RNF130: variants seen among roughly 807,000 people sequenced by gnomAD.
RNF130 encodes the protein ring finger protein 130.
In RNF130, 21 loss-of-function variants were observed where a neutral mutation model predicts 44.6. The ratio of observed to expected loss-of-function variants is 0.47; its 90% CI spans 0.33 to 0.68. RNF130 has a LOEUF of 0.68. Ranked by LOEUF, RNF130 falls within the 30% of genes least tolerant of loss-of-function variation. The pLI, the probability that RNF130 is intolerant of heterozygous loss-of-function variation, is 0.02. For synonymous variants in RNF130, 214 were observed against 210.4 expected (o/e 1.02, Z -0.15); for missense variants, 479 against 560.6 (o/e 0.85, Z 1.47).
chr5:180,012,721 C>G (rs568857374), intron 3 of RNF130, among the ~76,000 whole-genome samples: 48 of 152,190 alleles, frequency 3.2e-4, no homozygotes, highest in African/African-American at 1.1e-3. Context: ...TCCCTAACCC[C>G]CCTCCAAGTT....
At chr5:180,045,491 A>G (rs1385041809) in intron 1 of RNF130, among the ~76,000 whole-genome samples, 3 of 152,196 alleles carry the variant, frequency 2.0e-5, no homozygotes, top group African/African-American at 4.8e-5. Flanking sequence ...TATCTCAAAC[A>G]GGGAAAGAAC....
intron 3 of RNF130, among the ~76,000 whole-genome samples, chr5:180,005,002 C>T (rs1210065120): frequency 3.3e-5 from 5 of 152,126 alleles, no homozygotes; most frequent in Non-Finnish European, 4.4e-5. Context: ...CCAGATCACT[C>T]CTCTCCTCTC....
rs910087334 is a variant in RNF130, at chr5:180,042,613, C to T, written c.248-1966G>A. Among the ~76,000 whole-genome samples, 6 of 152,196 alleles carry T rather than the reference C, an allele frequency of 3.9e-5. No individual in the cohort carries two copies. The East Asian group carries it at 1.2e-3, about 29-fold the overall frequency. On this transcript the variant is annotated intron_variant, in intron 1 of 8. Coordinates refer to ENST00000521389, the MANE Select transcript of RNF130 (RefSeq NM_018434.6). Reference sequence around the variant, plus strand: ...GCTCAGTGACCTGTTACGATAATCTCCTCTTAGAAAAATGTCTAATACTGT... The same window carrying T: ...GCTCAGTGACCTGTTACGATAATCTTCTCTTAGAAAAATGTCTAATACTGT...
intron 1 of RNF130, among the ~76,000 whole-genome samples, chr5:180,064,371 T>C (rs1765050778): frequency 6.6e-6 from 1 of 152,074 alleles, no homozygotes; most frequent in Non-Finnish European, 1.5e-5. Context: ...AAAAGCAAAT[T>C]CATTCAATGG....
At chr5:179,929,640 C>T (rs1399694194) in intron 7 of RNF130, among the ~76,000 whole-genome samples, 3 of 151,952 alleles carry the variant, frequency 2.0e-5, no homozygotes, top group African/African-American at 4.8e-5. Context: ...CCCAGCTATT[C>T]AGGAGGCTGA....
intron 8 of RNF130, among the ~76,000 whole-genome samples, chr5:179,959,720 T>C (rs1301730726): frequency 1.3e-5 from 2 of 152,152 alleles, no homozygotes; most frequent in Non-Finnish European, 2.9e-5. Context: ...GGAGTTTATA[T>C]ATATAAATTT....
At chr5:180,042,696 A>G (rs1284888568) in intron 1 of RNF130, among the ~76,000 whole-genome samples, 1 of 152,248 alleles carries the variant, frequency 6.6e-6, no homozygotes, top group Non-Finnish European at 1.5e-5. Context: ...TTATTTTTCA[A>G]AACATACTGC....
intron 6 of RNF130, among the ~76,000 whole-genome samples, chr5:179,968,315 A>G (rs904481017): frequency 1.3e-5 from 2 of 151,278 alleles, no homozygotes; most frequent in South Asian, 4.2e-4. Flanking sequence ...CAAACAAACA[A>G]AAAAAGAAGG....
intron 1 of RNF130, among the ~76,000 whole-genome samples, chr5:180,059,124 C>T (rs1279369323): frequency 6.6e-6 from 1 of 152,218 alleles, no homozygotes; most frequent in Non-Finnish European, 1.5e-5. Flanking sequence ...CCCTTACTCT[C>T]TAACTCCTTT....
At chr5:179,957,149 C>G (rs1014075859) in intron 8 of RNF130, among the ~76,000 whole-genome samples, 4 of 152,158 alleles carry the variant, frequency 2.6e-5, no homozygotes, top group Non-Finnish European at 1.5e-5. Flanking sequence ...TGGTGGCTCA[C>G]GCCTGTAATC....
chr5:180,019,641 A>G (rs1763827863), intron 2 of RNF130, among the ~76,000 whole-genome samples: 1 of 152,224 alleles, frequency 6.6e-6, no homozygotes, highest in Non-Finnish European at 1.5e-5. Context: ...TAAAGAACTC[A>G]AGGGGGAAAA....
At chr5:180,071,323 C>G (rs1184313438) in intron 1 of RNF130, 133 bp downstream of exon 1, 1 of 872,798 alleles carries the variant, frequency 1.1e-6, no homozygotes, top group Non-Finnish European at 1.5e-6. Context: ...ACGACGGAAG[C>G]CTCGACCCTG....
At chr5:179,989,215 A>T (rs1044063257) in intron 3 of RNF130, among the ~76,000 whole-genome samples, 3 of 152,226 alleles carry the variant, frequency 2.0e-5, no homozygotes, top group African/African-American at 7.2e-5. Context: ...TATCACGAGA[A>T]CAACATGGAG....
At chr5:180,054,747 AG>A (rs1764767879) in intron 1 of RNF130, among the ~76,000 whole-genome samples, 1 of 152,216 alleles carries the variant, frequency 6.6e-6, no homozygotes, top group South Asian at 2.1e-4. Context: ...GTATTTTCAC[AG>A]GATGGTCTGA....
At chr5:180,011,349 G>C (rs905943595) in intron 3 of RNF130, among the ~76,000 whole-genome samples, 6 of 152,146 alleles carry the variant, frequency 3.9e-5, no homozygotes, top group African/African-American at 1.4e-4. Context: ...TTAATTTACT[G>C]ATTTTGATAA....
At chr5:179,949,206 C>T (rs2113688121) in intron 7 of RNF130, among the ~76,000 whole-genome samples, 1 of 151,798 alleles carries the variant, frequency 6.6e-6, no homozygotes, top group African/African-American at 2.4e-5. Flanking sequence ...CTCAGGTGAT[C>T]TGCCTGCCTT....
chr5:180,015,550 G>A (rs1319633436), intron 2 of RNF130, among the ~76,000 whole-genome samples: 2 of 115,048 alleles, frequency 1.7e-5, no homozygotes, highest in Non-Finnish European at 3.4e-5. Context: ...AAGGAGTAGG[G>A]GAAGGAGTAG....
intron 7 of RNF130, among the ~76,000 whole-genome samples, chr5:179,944,157 C>T (rs1054081649): frequency 4.6e-5 from 7 of 151,546 alleles, no homozygotes; most frequent in Non-Finnish European, 7.4e-5. Flanking sequence ...TTAGTAGAGA[C>T]GGGGGGGTTC....
intron 3 of RNF130, among the ~76,000 whole-genome samples, chr5:179,999,776 T>C (rs1763292156): frequency 6.6e-6 from 1 of 152,222 alleles, no homozygotes; most frequent in South Asian, 2.1e-4. Flanking sequence ...AGCATATAAT[T>C]GTGTCACGGT....
Sources: gnomAD v4.1 joint callset for allele counts (sites outside exome capture counted in the v4.1 genomes callset) on GRCh38, gnomAD v4.1.1 for gene constraint, MANE v1.5 for transcripts, NCBI Gene and HGNC (gene_info 2026-07-23, HGNC 2026-07-21) for gene names.